The following RALGAPA2 variants were observed in gnomAD, a reference collection of about 807,000 sequenced individuals.
RALGAPA2 encodes the protein ral GTPase-activating protein subunit alpha-2.
Under a neutral mutation model 230.4 loss-of-function variants are expected in RALGAPA2, and 139 were observed. That is an observed-to-expected ratio of 0.60 (90% CI 0.53 to 0.69). The LOEUF (loss-of-function observed/expected upper bound fraction) is 0.69, where lower values mean the gene tolerates loss of function less well. Ranked by LOEUF, RALGAPA2 falls within the 30% of genes least tolerant of loss-of-function variation. The pLI is 0.00. For missense variants in RALGAPA2, 2,163 were observed against 2,276.0 expected, an observed-to-expected ratio of 0.95 and a Z score of 1.01; for synonymous variants, 847 against 837.8, an observed-to-expected ratio of 1.01 and a Z score of -0.19.
intron 23 of RALGAPA2, among the ~76,000 whole-genome samples, chr20:20,562,757 C>G (rs1422337391): frequency 1.3e-5 from 2 of 152,188 alleles, no homozygotes; most frequent in African/African-American, 4.8e-5. Flanking sequence ...TCTGTTACCT[C>G]CTACATATTT....
chr20:20,585,559 T>C (rs1421179588), intron 18 of RALGAPA2, among the ~76,000 whole-genome samples: 1 of 152,128 alleles, frequency 6.6e-6, no homozygotes, highest in Non-Finnish European at 1.5e-5. Flanking sequence ...AAGCAAAATA[T>C]GCAAATAAAC....
intron 31 of RALGAPA2, among the ~76,000 whole-genome samples, chr20:20,518,904 GAT>G (rs1357674145): frequency 6.6e-6 from 1 of 152,136 alleles, no homozygotes; most frequent in African/African-American, 2.4e-5. Context: ...CAACGAAATA[GAT>G]TAAGAGTTGT....
chr20:20,681,800 A>G (rs949163412), intron 1 of RALGAPA2, among the ~76,000 whole-genome samples: 4 of 152,196 alleles, frequency 2.6e-5, no homozygotes, highest in Non-Finnish European at 5.9e-5. Flanking sequence ...CTGAGGCTAC[A>G]GTGAGCTATG....
At chr20:20,413,657 G>A (rs1011871476) in intron 37 of RALGAPA2, among the ~76,000 whole-genome samples, 3 of 152,210 alleles carry the variant, frequency 2.0e-5, no homozygotes, top group African/African-American at 7.2e-5. Context: ...GCCTGTCACC[G>A]TGGAAAGCAC....
intron 1 of RALGAPA2, among the ~76,000 whole-genome samples, chr20:20,689,853 C>T (rs2068838606): frequency 6.6e-6 from 1 of 152,142 alleles, no homozygotes; most frequent in African/African-American, 2.4e-5. Context: ...GGCAGAGGTT[C>T]CCTCAGTTCC....
At chr20:20,493,629 G>A (rs1232868036) in intron 36 of RALGAPA2, among the ~76,000 whole-genome samples, 10 of 152,114 alleles carry the variant, frequency 6.6e-5, no homozygotes, top group Non-Finnish European at 1.5e-4. Flanking sequence ...TGTTGAAAAT[G>A]AGCTAATAAA....
At chr20:20,542,375 C>T (rs1057243980) in intron 24 of RALGAPA2, among the ~76,000 whole-genome samples, 13 of 152,216 alleles carry the variant, frequency 8.5e-5, no homozygotes, top group Non-Finnish European at 1.3e-4. Flanking sequence ...CGTCAAGCTA[C>T]CATTGACTTT....
chr20:20,672,406 A>C (rs2068166060), intron 3 of RALGAPA2, among the ~76,000 whole-genome samples: 1 of 152,232 alleles, frequency 6.6e-6, no homozygotes, highest in Admixed American at 6.5e-5. Flanking sequence ...TTACACAGTA[A>C]ATGTTTAATA....
chr20:20,693,240 C>G (rs571726375), intron 1 of RALGAPA2, among the ~76,000 whole-genome samples: 1 of 152,194 alleles, frequency 6.6e-6, no homozygotes, highest in East Asian at 1.9e-4. Context: ...AAAAGTAGAG[C>G]TATTTTTACT....
intron 3 of RALGAPA2, among the ~76,000 whole-genome samples, chr20:20,668,896 T>A (rs930791723): frequency 2.0e-5 from 3 of 152,128 alleles, no homozygotes; most frequent in African/African-American, 7.2e-5. Flanking sequence ...GAAGAAGAGC[T>A]ACACTGAGAG....
rs556114851 is a variant in RALGAPA2, at chr20:20,574,494, T to C, written c.2708-1426A>G. Reference sequence around the variant, plus strand: ...TCTTTGGATACCTGTTGCTTTAGTATGAGTAAAGGCTAGAAGACTGATTTG... The same window carrying C: ...TCTTTGGATACCTGTTGCTTTAGTACGAGTAAAGGCTAGAAGACTGATTTG... On this transcript the variant is annotated intron_variant, in intron 20 of 39. Coordinates refer to ENST00000202677, the MANE Select transcript of RALGAPA2 (RefSeq NM_020343.4). 5.3e-5 allele frequency among the ~76,000 whole-genome samples: 8 copies of C among 152,318 alleles called. No individual in the cohort carries two copies. In the East Asian group the frequency reaches 1.5e-3, roughly 29 times the overall value.
chr20:20,613,256 T>C (rs1335924529), intron 13 of RALGAPA2, among the ~76,000 whole-genome samples: 1 of 152,206 alleles, frequency 6.6e-6, no homozygotes, highest in African/African-American at 2.4e-5. Flanking sequence ...TAAACTTCTG[T>C]TGGAGCACAT....
At chr20:20,671,053 C>T (rs561755983) in intron 3 of RALGAPA2, among the ~76,000 whole-genome samples, 1 of 152,082 alleles carries the variant, frequency 6.6e-6, no homozygotes, top group South Asian at 2.1e-4. Flanking sequence ...CTGGAGTCAA[C>T]TTCCAAAAGG....
In RALGAPA2 at chr20:20,620,500, G is replaced by T; in HGVS notation, c.1364C>A (p.Ala455Asp). The change falls in exon 11 of 40, where the codon GCT (alanine) becomes GAT (aspartate). Residue 455 changes from alanine (A) to aspartate (D), a missense_variant. Physicochemically the swap from Ala to Asp is moderately radical, Grantham distance 126. Transcript: ENST00000202677. ...AGTCTCGGAAAATCCTAATTTTTCA[G>T]CATCTTCTTGGGCAACATCTTTTCT... ...PDRKDVAQED[A>D]EKLGFSETDS... 2 of 1,613,856 alleles carry T rather than the reference G, an allele frequency of 1.2e-6. No individual in the cohort carries two copies. Among genetic ancestry groups the T allele is most frequent in the Non-Finnish European group, 1.7e-6 (2 of 1,179,816 alleles).
rs879828677 is a variant in RALGAPA2, at chr20:20,562,184, C to CT, written c.3156+9273dup. 4.3e-4 allele frequency among the ~76,000 whole-genome samples: 63 copies of CT among 147,164 alleles called. 1 individual carries two copies. The East Asian group carries it at 0.01, about 24-fold the overall frequency. ...GGAATAGCCAGTCTCAGAAGAAGGT[C>CT]TTTTTTTTTTTCTTCCATTTTCTAT... On this transcript the variant is annotated intron_variant, in intron 23 of 39. Coordinates refer to ENST00000202677, the MANE Select transcript of RALGAPA2 (RefSeq NM_020343.4).
At chr20:20,694,183 C>A (rs1011547270) in intron 1 of RALGAPA2, among the ~76,000 whole-genome samples, 1 of 151,554 alleles carries the variant, frequency 6.6e-6, no homozygotes, top group South Asian at 2.1e-4. Context: ...GGGAAGCATG[C>A]CTGGAAATCT....
At chr20:20,591,340 A>G (rs1383506887) in intron 16 of RALGAPA2, 26 bp from the exon 17 acceptor site, 1 of 1,602,042 alleles carries the variant, frequency 6.2e-7, no homozygotes, top group African/African-American at 1.3e-5. Flanking sequence ...AAACATGCAA[A>G]GTTACAGTTC....
At chr20:20,535,993 T>C (rs981249501) in intron 25 of RALGAPA2, among the ~76,000 whole-genome samples, 190 bp from the exon 26 acceptor site, 10 of 151,732 alleles carry the variant, frequency 6.6e-5, no homozygotes, top group Admixed American at 2.6e-4. Flanking sequence ...AAGATGGGGG[T>C]CTCCACAGGG....
intron 3 of RALGAPA2, among the ~76,000 whole-genome samples, chr20:20,669,196 A>C (rs538628919): frequency 2.2e-4 from 34 of 152,196 alleles, no homozygotes; most frequent in Non-Finnish European, 4.7e-4. Flanking sequence ...GGGTGAGGAA[A>C]TATCAAATTC....
Sources: allele counts gnomAD v4.1 joint callset (sites outside exome capture counted in the v4.1 genomes callset), GRCh38; gene constraint gnomAD v4.1.1; transcripts MANE v1.5; gene names NCBI Gene and HGNC (gene_info 2026-07-23, HGNC 2026-07-21).